P3H2: variants seen among roughly 807,000 people sequenced by gnomAD.
P3H2 encodes the protein prolyl 3-hydroxylase 2, also known as leprecan-like 1.
P3H2 carries 80 observed loss-of-function variants against 87.0 expected under a neutral mutation model. That is an observed-to-expected ratio of 0.92 (90% CI 0.77 to 1.11). The LOEUF (loss-of-function observed/expected upper bound fraction) is 1.11, where lower values mean the gene tolerates loss of function less well. P3H2 is among the 50% of genes least tolerant of loss of function. P3H2 has a pLI of 0.00. For synonymous variants in P3H2, 367 were observed against 359.3 expected, an observed-to-expected ratio of 1.02 and a Z score of -0.24; for missense variants, 1,001 against 923.9, an observed-to-expected ratio of 1.08 and a Z score of -1.08.
Position 190,012,840 on chromosome 3 carries a change from G to A in P3H2, c.481-17398C>T, listed in dbSNP as rs114072699. Among the ~76,000 whole-genome samples the A allele has an allele frequency of 2.6e-3, 401 of 152,198 alleles. 1 individual carries two copies. Among genetic ancestry groups the A allele is most frequent in the African/African-American group, 9.1e-3 (378 of 41,524 alleles). On this transcript the variant is annotated intron_variant, in intron 1 of 14. Transcript: ENST00000319332. ...AGACACTGTTTACCAGTATACAGAAGATTAAGAGATTTTGTAAGTCAAAAT... is the reference window on the plus strand; with the variant it reads ...AGACACTGTTTACCAGTATACAGAAAATTAAGAGATTTTGTAAGTCAAAAT...
At chr3:189,996,956 A>G (rs1055191127) in intron 1 of P3H2, among the ~76,000 whole-genome samples, 2 of 152,222 alleles carry the variant, frequency 1.3e-5, no homozygotes, top group African/African-American at 4.8e-5. Flanking sequence ...CACTTAATAC[A>G]ATGATCTCCA....
At chr3:190,080,461 C>T (rs974670925) in intron 1 of P3H2, among the ~76,000 whole-genome samples, 4 of 152,040 alleles carry the variant, frequency 2.6e-5, no homozygotes, top group African/African-American at 9.7e-5. Context: ...AGTGCAATGT[C>T]GTGACCTTGG....
At chr3:189,967,633 T>C (rs1424852393) in intron 13 of P3H2, among the ~76,000 whole-genome samples, 5 of 151,882 alleles carry the variant, frequency 3.3e-5, no homozygotes, top group African/African-American at 1.2e-4. Context: ...TAAACTCCAA[T>C]ACAGATCGTC....
chr3:190,089,192 A>G (rs6444417), intron 1 of P3H2, among the ~76,000 whole-genome samples: 63,768 of 151,816 alleles, frequency 0.42, 15,276 homozygotes, highest in African/African-American at 0.67. Flanking sequence ...ACACAGAGTG[A>G]GGAACATCAC....
chr3:189,973,834 T>G lies in P3H2; in HGVS notation c.1548+75A>C, dbSNP rs1723259842. ...CCACTGTGCCTGGCCACTTTTTTCT[T>G]TCTTATATCTGCCATTTACAGAAGC... On this transcript the variant is annotated intron_variant, in intron 10 of 14. Coordinates refer to ENST00000319332, the MANE Select transcript of P3H2 (RefSeq NM_018192.4). The G allele has an allele frequency of 8.6e-6, 10 of 1,165,744 alleles. No individual in the cohort carries two copies. In the East Asian group the frequency reaches 2.3e-4, roughly 27 times the overall value. The allele number at this position is 1,165,744 out of a possible 1,614,324, so 72.2% of individuals were successfully genotyped here. A position where few individuals can be genotyped will look rare whatever the true frequency, so the allele number is the denominator to read the frequency against.
intron 1 of P3H2, among the ~76,000 whole-genome samples, chr3:190,100,087 A>G (rs1398879657): frequency 6.6e-6 from 1 of 152,082 alleles, no homozygotes; most frequent in African/African-American, 2.4e-5. Flanking sequence ...TATAAAAATT[A>G]GCCAGGTGCA....
chr3:190,033,524 C>T (rs765772626), intron 1 of P3H2, among the ~76,000 whole-genome samples: 1 of 151,998 alleles, frequency 6.6e-6, no homozygotes, highest in African/African-American at 2.4e-5. Context: ...AAAAAGAAAA[C>T]TTATGATTTT....
intron 1 of P3H2, among the ~76,000 whole-genome samples, chr3:190,107,227 A>G (rs1711878323): frequency 2.0e-5 from 3 of 152,180 alleles, no homozygotes; most frequent in Admixed American, 1.3e-4. Flanking sequence ...CTTTCTTGAT[A>G]TATATTTGGA....
chr3:190,046,234 A>C (rs1005842526), intron 1 of P3H2, among the ~76,000 whole-genome samples: 5 of 151,998 alleles, frequency 3.3e-5, no homozygotes, highest in Non-Finnish European at 7.4e-5. Flanking sequence ...CTTGCAGTAC[A>C]TCTCTTGTGA....
chr3:190,003,008 G>A (rs12629493), intron 1 of P3H2, among the ~76,000 whole-genome samples: 32,643 of 152,126 alleles, frequency 0.21, 3,674 homozygotes, highest in Admixed American at 0.29. Context: ...TGCATTTATG[G>A]AATGTCACTC....
chr3:190,097,512 C>T (rs1031459134), intron 1 of P3H2, among the ~76,000 whole-genome samples: 19 of 152,294 alleles, frequency 1.2e-4, no homozygotes, highest in Middle Eastern at 3.4e-3. Context: ...CCCCCACATA[C>T]TGTGCTCTGG....
At chr3:190,007,963 C>CATATATATATATATATATAT (rs1385863469) in intron 1 of P3H2, among the ~76,000 whole-genome samples, 18 of 19,928 alleles carry the variant, frequency 9.0e-4, no homozygotes, top group African/African-American at 3.8e-3. Context: ...TTTGTTGACA[C>CATATATATATATATATATAT]ACATATATAT....
chr3:189,979,975 T>C (rs565967614), intron 8 of P3H2, among the ~76,000 whole-genome samples: 1 of 149,822 alleles, frequency 6.7e-6, no homozygotes, highest in Non-Finnish European at 1.5e-5. Flanking sequence ...TCTCAAAAAA[T>C]AAAAATAAAA....
intron 14 of P3H2, among the ~76,000 whole-genome samples, chr3:189,959,251 TTTA>T (rs1722735423): frequency 6.6e-6 from 1 of 150,636 alleles, no homozygotes; most frequent in African/African-American, 2.4e-5. Context: ...CTTTTATTTA[TTTA>T]TTTATTTTTT....
At chr3:190,089,794 A>C (rs763553580) in intron 1 of P3H2, among the ~76,000 whole-genome samples, 1 of 152,156 alleles carries the variant, frequency 6.6e-6, no homozygotes, top group Non-Finnish European at 1.5e-5. Context: ...ATGGGTGTCC[A>C]ATCTGTGGGG....
At chr3:190,003,378 T>C (rs184174479) in intron 1 of P3H2, among the ~76,000 whole-genome samples, 1 of 152,176 alleles carries the variant, frequency 6.6e-6, no homozygotes, top group East Asian at 1.9e-4. Flanking sequence ...TCTAGAAGAT[T>C]TCTTATCTAA....
chr3:189,990,246 T>C (rs1723837088), intron 3 of P3H2, among the ~76,000 whole-genome samples: 1 of 152,130 alleles, frequency 6.6e-6, no homozygotes, highest in Non-Finnish European at 1.5e-5. Flanking sequence ...CTAAAGCCCA[T>C]TGGTTATTAA....
intron 12 of P3H2, among the ~76,000 whole-genome samples, chr3:189,971,386 C>T (rs771563801): frequency 1.3e-5 from 2 of 152,214 alleles, no homozygotes; most frequent in Non-Finnish European, 2.9e-5. Context: ...TAAGGATGAA[C>T]ACATGGTGAC....
At chr3:190,007,967 T>TATATATATATATATATATA (rs1724446485) in intron 1 of P3H2, among the ~76,000 whole-genome samples, 1 of 31,416 alleles carries the variant, frequency 3.2e-5, no homozygotes, top group Non-Finnish European at 7.0e-5. Context: ...TTGACACACA[T>TATATATATATATATATATA]ATATATATAT....
Sources: gnomAD v4.1 joint callset for allele counts (sites outside exome capture counted in the v4.1 genomes callset) on GRCh38, gnomAD v4.1.1 for gene constraint, MANE v1.5 for transcripts, NCBI Gene and HGNC (gene_info 2026-07-23, HGNC 2026-07-21) for gene names.